Variants in AGTR1 observed in about 807,000 individuals in gnomAD.
AGTR1 encodes the protein angiotensin II receptor type 1.
AGTR1 carries 16 observed loss-of-function variants against 19.4 expected under a neutral mutation model. The observed-to-expected ratio is 0.82, with a 90% CI of 0.56 to 1.25. The LOEUF (loss-of-function observed/expected upper bound fraction) is 1.25, where lower values mean the gene tolerates loss of function less well. AGTR1 is among the 50% of genes most tolerant of loss of function. AGTR1 has a pLI of 0.00. For synonymous variants in AGTR1, 153 were observed against 154.9 expected (o/e 0.99, Z 0.09); for missense variants, 373 against 431.9 (o/e 0.86, Z 1.21).
intron 2 of AGTR1, among the ~76,000 whole-genome samples, chr3:148,726,258 G>T (rs546946177): frequency 6.6e-6 from 1 of 152,004 alleles, no homozygotes; most frequent in East Asian, 1.9e-4. Flanking sequence ...GCCCAGGCTG[G>T]AGTGCAATGG....
chr3:148,700,051 C>T (rs1227225538), intron 1 of AGTR1, among the ~76,000 whole-genome samples: 2 of 152,178 alleles, frequency 1.3e-5, no homozygotes, highest in African/African-American at 2.4e-5. Flanking sequence ...AAGCTTCAGT[C>T]TTTCTCTCTC....
At chr3:148,730,311 C>T in intron 2 of AGTR1, 1 of 397,144 alleles carries the variant, frequency 2.5e-6, no homozygotes. Flanking sequence ...CTCTGGTTGT[C>T]ACCTGAGCCA....
In AGTR1 at chr3:148,716,501, C is replaced by G. The variant is rs1713310870; in HGVS notation, c.-48+8474C>G. 6.6e-6 allele frequency among the ~76,000 whole-genome samples: 1 copy of G among 152,094 alleles called. No individual in the cohort carries two copies. The highest frequency in any genetic ancestry group is 2.1e-4 in the South Asian group (1 of 4,834). Reference sequence around the variant, plus strand: ...TATAACTATACAGGAATTTATTTCCCAGTACCTTCTATATTACTAACATCC... The same window carrying G: ...TATAACTATACAGGAATTTATTTCCGAGTACCTTCTATATTACTAACATCC... On this transcript the variant is annotated intron_variant, in intron 2 of 2. Transcript: ENST00000349243. The surrounding 1 kb of genome is among the most constrained non-coding windows in gnomAD (Gnocchi z 4.7).
intron 1 of AGTR1, among the ~76,000 whole-genome samples, chr3:148,701,730 C>CTAT (rs1199890839): frequency 6.6e-6 from 1 of 151,952 alleles, no homozygotes; most frequent in African/African-American, 2.4e-5. Flanking sequence ...GCCTTGTTTC[C>CTAT]TATTATTACA....
rs1714853406 is a variant in AGTR1 at position 148,741,198 on chromosome 3, T to G, written c.163T>G (p.Phe55Val). ...GNSLVVIVIYFYMKLKTVASV... is the reference protein window; with the variant it reads ...GNSLVVIVIYVYMKLKTVASV... The stretch of plus-strand genomic sequence containing the variant: ...CAGCTTGGTGGTGATAGTCATTTAC[T>G]TTTATATGAAGCTGAAGACTGTGGC... The change falls in exon 3 of 3, where the codon TTT becomes GTT. Residue 55 changes from phenylalanine (F) to valine (V), a missense_variant. Physicochemically the swap from Phe to Val is conservative, Grantham distance 50. Coordinates refer to ENST00000349243, the MANE Select transcript of AGTR1 (RefSeq NM_000685.5). The G allele has an allele frequency of 6.2e-7, 1 of 1,613,990 alleles. No homozygotes were observed. The highest frequency in any genetic ancestry group is 1.3e-5 in the African/African-American group (1 of 74,940).
In AGTR1 at chr3:148,742,720, A is replaced by G. The variant is rs1714989488; in HGVS notation, c.*605A>G. The G allele has an allele frequency of 5.6e-6, 1 of 179,010 alleles. No individual in the cohort carries two copies. The highest frequency in any genetic ancestry group is 2.4e-5 in the African/African-American group (1 of 41,514). The allele number at this position is 179,010 out of a possible 1,614,324, so 11.1% of individuals were successfully genotyped here. A position where few individuals can be genotyped will look rare whatever the true frequency, so the allele number is the denominator to read the frequency against. ...TGCCCGTAAGATGGCTTATTTGTAT[A>G]ATGGTGTTACTAAAGTCACATATAA... On this transcript the variant is annotated 3_prime_UTR_variant, in exon 3 of 3. Transcript: ENST00000349243.
intron 2 of AGTR1, among the ~76,000 whole-genome samples, chr3:148,711,146 A>T (rs1437292063): frequency 1.3e-5 from 2 of 152,122 alleles, no homozygotes; most frequent in African/African-American, 4.8e-5. Flanking sequence ...TTCATTTTTC[A>T]TCAATATAAT....
intron 2 of AGTR1, among the ~76,000 whole-genome samples, chr3:148,738,163 A>G (rs1714674463): frequency 6.6e-6 from 1 of 152,048 alleles, no homozygotes; most frequent in Admixed American, 6.6e-5. Context: ...AAGAGGAGAG[A>G]GAAGGAGAAG....
At position 148,716,573 on chromosome 3, in the gene AGTR1, A is replaced by G. The variant is rs553009956; in HGVS notation, c.-48+8546A>G. ...AACTAGAACATTTTGAGAATATGCA[A>G]TACATAACCTTAAACAAGAAGTTTT... is the stretch of plus-strand genomic sequence containing the variant. On this transcript the variant is annotated intron_variant, in intron 2 of 2. Transcript: ENST00000349243. The surrounding 1 kb of genome is among the most constrained non-coding windows in gnomAD (Gnocchi z 4.7). 6.6e-6 allele frequency among the ~76,000 whole-genome samples: 1 copy of G among 152,320 alleles called. No homozygotes were observed. The highest frequency in any genetic ancestry group is 2.1e-4 in the South Asian group (1 of 4,826).
chr3:148,726,486 C>T (rs897577614), intron 2 of AGTR1, among the ~76,000 whole-genome samples: 10 of 152,152 alleles, frequency 6.6e-5, no homozygotes, highest in African/African-American at 1.4e-4. Context: ...GGATTACAGG[C>T]GTGAGCCAAC....
chr3:148,712,102 T>G (rs370859967), intron 2 of AGTR1, among the ~76,000 whole-genome samples: 9 of 152,058 alleles, frequency 5.9e-5, no homozygotes, highest in African/African-American at 2.2e-4. Flanking sequence ...AGGTTTTAAA[T>G]TTAGAGGCCC....
chr3:148,727,522 A>C (rs932972544), intron 2 of AGTR1, among the ~76,000 whole-genome samples: 3 of 152,200 alleles, frequency 2.0e-5, no homozygotes, highest in African/African-American at 7.2e-5. Context: ...CCACGACAAC[A>C]GCCATCAATC....
chr3:148,741,260 AT>A lies in AGTR1; in HGVS notation c.226del (p.Cys76AlafsTer4). On this transcript the variant is annotated frameshift_variant, in exon 3 of 3. Transcript: ENST00000349243. LOFTEE classifies it high-confidence loss of function. The stretch of plus-strand genomic sequence containing the variant: ...TTTTGAATTTAGCACTGGCTGACTT[AT>A]GCTTTTTACTGACTTTGCCACTATG... ...FLLNLALADLCFLLTLPLWAV... is the reference protein window; with the variant it reads ...FLLNLALADLXFLLTLPLWAV... 1 of 1,613,862 alleles carries A rather than the reference AT, an allele frequency of 6.2e-7. No homozygotes were observed. Among genetic ancestry groups the A allele is most frequent in the Non-Finnish European group, 8.5e-7 (1 of 1,180,012 alleles).
intron 2 of AGTR1, among the ~76,000 whole-genome samples, chr3:148,735,301 G>A (rs1218546801): frequency 1.3e-5 from 2 of 152,128 alleles, no homozygotes; most frequent in African/African-American, 4.8e-5. Flanking sequence ...ATATAAGGTT[G>A]AAAACTAAGC....
At chr3:148,739,744 C>T in intron 2 of AGTR1, 1 of 1,226,170 alleles carries the variant, frequency 8.2e-7, no homozygotes, top group Non-Finnish European at 1.0e-6. Context: ...GAATGCCAAG[C>T]ACAACCATGC....
intron 2 of AGTR1, chr3:148,730,553 A>G (rs1576535949): frequency 4.7e-6 from 1 of 214,338 alleles, no homozygotes; most frequent in East Asian, 9.6e-5. Flanking sequence ...TAAATGTTAA[A>G]TGAAAACATT....
At chr3:148,729,612 G>A (rs1227042752) in intron 2 of AGTR1, among the ~76,000 whole-genome samples, 1 of 152,058 alleles carries the variant, frequency 6.6e-6, no homozygotes, top group African/African-American at 2.4e-5. Context: ...TTTTTCAGTT[G>A]GCAAAGTGTT....
chr3:148,738,928 A>T (rs7615150), intron 2 of AGTR1, among the ~76,000 whole-genome samples: 11,998 of 152,202 alleles, frequency 0.079, 1,609 homozygotes, highest in African/African-American at 0.27. Flanking sequence ...GACATTTATC[A>T]TCTGCCTCCT....
In AGTR1 at chr3:148,741,394, C is replaced by T. The variant is rs144141909; in HGVS notation, c.359C>T (p.Thr120Met). 22 of 1,603,044 alleles carry T rather than the reference C, an allele frequency of 1.4e-5. No individual in the cohort carries two copies. Among genetic ancestry groups the T allele is most frequent in the East Asian group, 8.9e-5 (4 of 44,808 alleles). ...CTGTACGCTAGTGTGTTTCTACTCA[C>T]GTGTCTCAGCATTGATCGATACCTG... ...FNLYASVFLL[T>M]CLSIDRYLAI... The change falls in exon 3 of 3, where the codon ACG becomes ATG. Residue 120 changes from threonine (T) to methionine (M), a missense_variant. Physicochemically the swap from Thr to Met is moderately conservative, Grantham distance 81. Coordinates refer to ENST00000349243, the MANE Select transcript of AGTR1 (RefSeq NM_000685.5).
Sources: gnomAD v4.1 joint callset for allele counts (sites outside exome capture counted in the v4.1 genomes callset) on GRCh38, gnomAD v4.1.1 for gene constraint, Gnocchi (gnomAD v3.1) non-coding constraint, MANE v1.5 for transcripts, NCBI Gene and HGNC (gene_info 2026-07-23, HGNC 2026-07-21) for gene names.